The following LUZP2 variants were observed in gnomAD, a reference collection of about 807,000 sequenced individuals.
The protein encoded by LUZP2 is leucine zipper protein 2.
LUZP2 carries 52 observed loss-of-function variants against 51.6 expected under a neutral mutation model. The ratio of observed to expected loss-of-function variants is 1.01; its 90% confidence interval spans 0.81 to 1.27. LUZP2 has a LOEUF of 1.27. Ranked by LOEUF, LUZP2 falls within the 50% of genes most tolerant of loss-of-function variation. The probability of loss-of-function intolerance (pLI) is 0.00; values close to 1 mark genes in which losing one functional copy is unlikely to be tolerated. For synonymous variants in LUZP2, 154 were observed against 137.3 expected, an observed-to-expected ratio of 1.12 and a Z score of -0.85; for missense variants, 436 against 395.4, an observed-to-expected ratio of 1.10 and a Z score of -0.87.
chr11:24,921,477 C>G (rs773904825), intron 7 of LUZP2, among the ~76,000 whole-genome samples: 1 of 152,012 alleles, frequency 6.6e-6, no homozygotes, highest in African/African-American at 2.4e-5. Context: ...GAGAAGATGG[C>G]GGGAATTGCC....
intron 1 of LUZP2, among the ~76,000 whole-genome samples, chr11:24,714,549 A>C (rs574327238): frequency 6.6e-6 from 1 of 152,104 alleles, no homozygotes; most frequent in African/African-American, 2.4e-5. Context: ...GTTTTCTGAA[A>C]TGCTTTCAGA....
At chr11:24,837,367 A>T (rs564044500) in intron 5 of LUZP2, among the ~76,000 whole-genome samples, 1 of 151,726 alleles carries the variant, frequency 6.6e-6, no homozygotes, top group South Asian at 2.1e-4. Flanking sequence ...AACAGATAGA[A>T]CCCAATATGA....
chr11:24,857,790 C>A (rs11028231), intron 5 of LUZP2, among the ~76,000 whole-genome samples: 23,611 of 151,814 alleles, frequency 0.16, 1,992 homozygotes, highest in African/African-American at 0.21. Flanking sequence ...CTGATTCCTA[C>A]CCCTGAACTA....
intron 9 of LUZP2, among the ~76,000 whole-genome samples, chr11:25,034,035 C>T (rs569638208): frequency 2.0e-5 from 3 of 152,158 alleles, no homozygotes; most frequent in African/African-American, 4.8e-5. Context: ...GTCTAATTTA[C>T]ATTCCCACCA....
At chr11:24,973,066 T>TTTG (rs1855791865) in intron 7 of LUZP2, among the ~76,000 whole-genome samples, 1 of 150,360 alleles carries the variant, frequency 6.7e-6, no homozygotes, top group Non-Finnish European at 1.5e-5. Context: ...GGGTTTTTTT[T>TTTG]TTTTTTTTAA....
Position 24,918,651 on chromosome 11 carries a change from C to T in LUZP2, c.522+4113C>T, listed in dbSNP as rs570433251. Among the ~76,000 whole-genome samples the T allele has an allele frequency of 5.2e-3, 791 of 151,070 alleles. 4 individuals carry two copies. Among genetic ancestry groups the T allele is most frequent in the South Asian group, 0.019 (91 of 4,778 alleles). ...AATGTAATTCTTTAAAAAAAAAATC[C>T]TAAATATTATTTATCATTGAAGAAA... On this transcript the variant is annotated intron_variant, in intron 7 of 11. Transcript: ENST00000336930.
At chr11:25,049,793 A>G (rs1858433855) in intron 9 of LUZP2, among the ~76,000 whole-genome samples, 1 of 152,078 alleles carries the variant, frequency 6.6e-6, no homozygotes, top group Non-Finnish European at 1.5e-5. Context: ...AATAATCCCA[A>G]TGGACATCAC....
At chr11:25,071,678 G>A (rs1342716037) in intron 10 of LUZP2, among the ~76,000 whole-genome samples, 1 of 151,160 alleles carries the variant, frequency 6.6e-6, no homozygotes, top group East Asian at 2.0e-4. Context: ...ATGGGGTTGG[G>A]GGAGAGGGGA....
At chr11:24,694,394 C>G (rs1015084662) in intron 1 of LUZP2, among the ~76,000 whole-genome samples, 14 of 152,086 alleles carry the variant, frequency 9.2e-5, no homozygotes, top group African/African-American at 2.9e-4. Context: ...GACTACCTTA[C>G]TCAACACTGT....
chr11:25,006,141 A>G (rs1856829785), intron 9 of LUZP2, among the ~76,000 whole-genome samples: 1 of 152,026 alleles, frequency 6.6e-6, no homozygotes, highest in Middle Eastern at 3.2e-3. Context: ...TGTCTTTCTG[A>G]TTGGTGAGCC....
intron 7 of LUZP2, among the ~76,000 whole-genome samples, chr11:24,929,975 G>C (rs1383546848): frequency 6.6e-6 from 1 of 152,152 alleles, no homozygotes; most frequent in Admixed American, 6.5e-5. Context: ...CTGTTATCAT[G>C]AGATAATGTC....
intron 1 of LUZP2, among the ~76,000 whole-genome samples, chr11:24,585,773 C>T (rs973130764): frequency 1.1e-4 from 16 of 152,010 alleles, no homozygotes; most frequent in African/African-American, 3.9e-4. Context: ...GAGCCGCTTT[C>T]AGACAAACCT....
chr11:25,001,116 A>G (rs1051668250), intron 9 of LUZP2, among the ~76,000 whole-genome samples: 5 of 152,314 alleles, frequency 3.3e-5, no homozygotes, highest in African/African-American at 9.6e-5. Context: ...GTTAACTTTT[A>G]GCAAACTCTA....
intron 1 of LUZP2, among the ~76,000 whole-genome samples, chr11:24,626,945 C>T (rs1018575613): frequency 6.6e-6 from 1 of 152,128 alleles, no homozygotes; most frequent in African/African-American, 2.4e-5. Context: ...ACATGTTCTG[C>T]TTTTCATTAT....
At chr11:24,695,846 A>G (rs1268647746) in intron 1 of LUZP2, among the ~76,000 whole-genome samples, 1 of 152,016 alleles carries the variant, frequency 6.6e-6, no homozygotes, top group Non-Finnish European at 1.5e-5. Flanking sequence ...TTGGGATGAG[A>G]TAGCATTCGA....
At chr11:24,823,635 C>T (rs1211593559) in intron 5 of LUZP2, among the ~76,000 whole-genome samples, 1 of 152,056 alleles carries the variant, frequency 6.6e-6, no homozygotes, top group Non-Finnish European at 1.5e-5. Context: ...AAGACTGTGC[C>T]TTAGGCTATG....
At chr11:24,851,147 C>A (rs990614416) in intron 5 of LUZP2, among the ~76,000 whole-genome samples, 9 of 151,938 alleles carry the variant, frequency 5.9e-5, no homozygotes, top group Non-Finnish European at 1.2e-4. Flanking sequence ...TTCCAATATT[C>A]TGTTGAATAG....
At chr11:24,995,878 GA>G (rs1198818320) in intron 9 of LUZP2, among the ~76,000 whole-genome samples, 1 of 151,702 alleles carries the variant, frequency 6.6e-6, no homozygotes, top group African/African-American at 2.4e-5. Context: ...TGATAAGGGA[GA>G]AAAAAGTCAT....
At chr11:24,844,646 G>A (rs144890295) in intron 5 of LUZP2, among the ~76,000 whole-genome samples, 25 of 152,244 alleles carry the variant, frequency 1.6e-4, no homozygotes, top group Middle Eastern at 3.4e-3. Flanking sequence ...TCACAGGCCT[G>A]GAGGCTTAGG....
Sources: gnomAD v4.1 joint callset for allele counts (sites outside exome capture counted in the v4.1 genomes callset) on GRCh38, gnomAD v4.1.1 for gene constraint, MANE v1.5 for transcripts, NCBI Gene and HGNC (gene_info 2026-07-23, HGNC 2026-07-21) for gene names.